The following SLC38A11 variants were observed in gnomAD, a reference collection of about 807,000 sequenced individuals.
SLC38A11 encodes the protein solute carrier family 38 member 11, also known as putative sodium-coupled neutral amino acid transporter 11.
In SLC38A11, 51 loss-of-function variants were observed where a neutral mutation model predicts 49.4. The observed-to-expected ratio is 1.03, with a 90% CI of 0.83 to 1.30. The LOEUF is 1.30. Ranked by LOEUF, SLC38A11 falls within the 50% of genes most tolerant of loss-of-function variation. The pLI is 0.00. For synonymous variants in SLC38A11, 203 were observed against 192.9 expected (o/e 1.05, Z -0.43); for missense variants, 574 against 556.2 (o/e 1.03, Z -0.32).
intron 7 of SLC38A11, among the ~76,000 whole-genome samples, chr2:164,925,832 T>C (rs1274972075): frequency 6.6e-6 from 1 of 152,166 alleles, no homozygotes; most frequent in African/African-American, 2.4e-5. Context: ...AAGAGTGACT[T>C]ACCCAGTAGA....
intron 7 of SLC38A11, among the ~76,000 whole-genome samples, chr2:164,924,882 C>T (rs1339148810): frequency 2.6e-5 from 4 of 151,822 alleles, no homozygotes; most frequent in Non-Finnish European, 5.9e-5. Context: ...ATACAGGCAC[C>T]AGCCACCATG....
At chr2:164,943,737 T>G (rs1210989263) in intron 5 of SLC38A11, among the ~76,000 whole-genome samples, 1 of 152,220 alleles carries the variant, frequency 6.6e-6, no homozygotes, top group Non-Finnish European at 1.5e-5. Context: ...TGCTTCAGTC[T>G]CTGGAGTAGC....
Position 164,952,981 on chromosome 2 carries a change from AGGG to A in SLC38A11, c.155-203_155-201del, listed in dbSNP as rs1688624813. 3 of 503,504 alleles carry A rather than the reference AGGG, an allele frequency of 6.0e-6. No individual in the cohort carries two copies. The South Asian group carries it at 7.6e-5, about 13-fold the overall frequency. The allele number at this position is 503,504 out of a possible 1,614,324, so 31.2% of individuals were successfully genotyped here. A position where few individuals can be genotyped will look rare whatever the true frequency, so the allele number is the denominator to read the frequency against. ...TTTCAGAATAAAATGTTATTAGCTT[AGGG>A]ACAAGTTAAGAGAGCAAGTTTCTGA... On this transcript the variant is annotated intron_variant, in intron 2 of 11. Transcript: ENST00000685975.
Position 164,915,092 on chromosome 2 carries a change from A to G in SLC38A11, c.850+20T>C, listed in dbSNP as rs1436604865. 2 of 1,595,166 alleles carry G rather than the reference A, an allele frequency of 1.3e-6. No individual in the cohort carries two copies. Among genetic ancestry groups the G allele is most frequent in the Admixed American group, 1.7e-5 (1 of 57,728 alleles). On this transcript the variant is annotated intron_variant, in intron 9 of 11. Transcript: ENST00000685975. ...CTGTACCAATGCACATGAACACTAT[A>G]ACTGAATCTCTCATTTTACCTTGGG...
chr2:164,913,614 T>C (rs1417862602), intron 9 of SLC38A11, among the ~76,000 whole-genome samples: 1 of 152,008 alleles, frequency 6.6e-6, no homozygotes, highest in African/African-American at 2.4e-5. Flanking sequence ...GATTTAATTA[T>C]ATCTGAGCAA....
intron 7 of SLC38A11, among the ~76,000 whole-genome samples, chr2:164,936,416 A>G (rs1434783880): frequency 6.6e-6 from 1 of 152,152 alleles, no homozygotes; most frequent in Non-Finnish European, 1.5e-5. Flanking sequence ...TGCATTAACA[A>G]TTAGGGCTAT....
intron 7 of SLC38A11, among the ~76,000 whole-genome samples, chr2:164,935,519 A>AAAAG (rs1553501029): frequency 6.6e-6 from 1 of 150,462 alleles, no homozygotes; most frequent in Non-Finnish European, 1.5e-5. Flanking sequence ...AAAAAAAAAA[A>AAAAG]AAAGAAAGAA....
At chr2:164,926,880 G>A (rs1410882874) in intron 7 of SLC38A11, among the ~76,000 whole-genome samples, 3 of 120,098 alleles carry the variant, frequency 2.5e-5, no homozygotes, top group Admixed American at 9.4e-5. Context: ...GGGGGAGGGG[G>A]GAGGGATAGC....
intron 11 of SLC38A11, chr2:164,908,118 AAG>A (rs890238132): frequency 1.3e-5 from 2 of 152,162 alleles, no homozygotes; most frequent in African/African-American, 4.8e-5. Flanking sequence ...TTTAAAGAAA[AAG>A]AAATTTTGTC....
chr2:164,931,965 CA>C, intron 7 of SLC38A11, among the ~76,000 whole-genome samples: 1 of 152,050 alleles, frequency 6.6e-6, no homozygotes, highest in Non-Finnish European at 1.5e-5. Context: ...GCAAAAGAAA[CA>C]ATCAACAAAG....
chr2:164,898,316 A>G lies in SLC38A11; in HGVS notation c.*121T>C, dbSNP rs1320684911. 9.4e-6 allele frequency: 7 copies of G among 746,156 alleles called. No homozygotes were observed. Among genetic ancestry groups the G allele is most frequent in the African/African-American group, 1.8e-5 (1 of 55,978 alleles). The allele number at this position is 746,156 out of a possible 1,614,324, so 46.2% of individuals were successfully genotyped here. On this transcript the variant is annotated 3_prime_UTR_variant, in exon 12 of 12. Transcript: ENST00000685975. ...TCTTTTATATTGCACTACTCATAAA[A>G]GCCAAGTCTTGATAAAAGCCAAAAT...
chr2:164,902,619 A>T (rs1358498936), intron 11 of SLC38A11, among the ~76,000 whole-genome samples: 5 of 152,178 alleles, frequency 3.3e-5, no homozygotes, highest in Admixed American at 6.6e-5. Flanking sequence ...AGCAAAATAA[A>T]TTTGAAGTTG....
intron 5 of SLC38A11, among the ~76,000 whole-genome samples, chr2:164,941,899 C>T (rs1477302151): frequency 1.3e-5 from 2 of 151,632 alleles, no homozygotes; most frequent in Admixed American, 6.6e-5. Context: ...ATTATTCTTA[C>T]GAATATCTGA....
chr2:164,936,926 T>A (rs1331880187), intron 7 of SLC38A11, among the ~76,000 whole-genome samples: 1 of 152,152 alleles, frequency 6.6e-6, no homozygotes, highest in African/African-American at 2.4e-5. Flanking sequence ...TAACACAAAA[T>A]AATTAAGGAA....
Position 164,908,704 on chromosome 2 carries a change from A to G in SLC38A11, c.1031T>C (p.Val344Ala). The G allele has an allele frequency of 6.2e-7, 1 of 1,610,620 alleles. No homozygotes were observed. The change falls in exon 11 of 12, where the codon GTC (valine) becomes GCC (alanine). Residue 344 changes from valine to alanine, a missense_variant. By Grantham distance (64) the Val-to-Ala change is moderately conservative. Coordinates refer to ENST00000685975, the MANE Select transcript of SLC38A11 (RefSeq NM_001351537.2). ...SVFHIVVTVMVITVATLVSLL... is the reference protein window; with the variant it reads ...SVFHIVVTVMAITVATLVSLL... ...TGACACAAGCGTGGCTACAGTGATGACCATCACTGTTACAACAATGTGGAA... is the reference window on the plus strand; with the variant it reads ...TGACACAAGCGTGGCTACAGTGATGGCCATCACTGTTACAACAATGTGGAA...
At chr2:164,947,995 G>A (rs1688255074) in intron 3 of SLC38A11, among the ~76,000 whole-genome samples, 1 of 152,146 alleles carries the variant, frequency 6.6e-6, no homozygotes, top group Non-Finnish European at 1.5e-5. Context: ...TCCACCAGGT[G>A]GATCTGGCCA....
In SLC38A11 at chr2:164,952,723, C is replaced by T. The variant is rs1186830102; in HGVS notation, c.213G>A (p.Trp71Ter). 6.2e-7 allele frequency: 1 copy of T among 1,607,890 alleles called. No individual in the cohort carries two copies. ...GTATTTTACCTGTAACATATGAAAC[C>T]CAGAATAAAAGCAATATTCCCAAAG... Reference protein sequence around the residue: ...GFPLGILLLFWVSYVTDFSLV... With the variant: ...GFPLGILLLF The change falls in exon 3 of 12, where the codon TGG (tryptophan) becomes TGA (stop). Residue 71 changes from tryptophan to a stop codon, truncating the protein, a stop_gained. Transcript: ENST00000685975. LOFTEE classifies it high-confidence loss of function.
intron 7 of SLC38A11, among the ~76,000 whole-genome samples, chr2:164,919,646 A>G (rs1686040227): frequency 6.6e-6 from 1 of 152,210 alleles, no homozygotes; most frequent in Non-Finnish European, 1.5e-5. Flanking sequence ...TAATACTTGC[A>G]TATAACTTAA....
At chr2:164,919,438 T>C (rs1411478186) in intron 7 of SLC38A11, among the ~76,000 whole-genome samples, 1 of 152,084 alleles carries the variant, frequency 6.6e-6, no homozygotes, top group African/African-American at 2.4e-5. Context: ...ATAAAATCAA[T>C]GGAAGGTAAA....
Sources: allele counts gnomAD v4.1 joint callset (sites outside exome capture counted in the v4.1 genomes callset), GRCh38; gene constraint gnomAD v4.1.1; transcripts MANE v1.5; gene names NCBI Gene and HGNC (gene_info 2026-07-23, HGNC 2026-07-21).